Variants in AGPAT4 observed in about 807,000 individuals in gnomAD.
The protein encoded by AGPAT4 is 1-acylglycerol-3-phosphate O-acyltransferase 4, also known as 1-acyl-sn-glycerol-3-phosphate acyltransferase delta.
A neutral mutation model predicts 48.0 loss-of-function variants in AGPAT4; 15 were observed. That is an observed-to-expected ratio of 0.31 (90% CI 0.21 to 0.48). The LOEUF (loss-of-function observed/expected upper bound fraction) is 0.48, where lower values mean the gene tolerates loss of function less well. Among genes scored for constraint, AGPAT4 ranks in the 20% least tolerant of loss-of-function variants. AGPAT4 has a pLI of 0.99. For synonymous variants in AGPAT4, 178 were observed against 198.7 expected, an observed-to-expected ratio of 0.90 and a Z score of 0.88; for missense variants, 314 against 482.5, an observed-to-expected ratio of 0.65 and a Z score of 3.27.
chr6:161,251,145 TTCAC>T lies in AGPAT4; in HGVS notation c.-89-18847_-89-18844del, dbSNP rs1270231836. ...TTATCCTGCAGAAAACTGATAAATGTTCACTCATTTTATCTAGTTTTTCTATAGT... is the reference window on the plus strand; with the variant it reads ...TTATCCTGCAGAAAACTGATAAATGTTCATTTTATCTAGTTTTTCTATAGT... On this transcript the variant is annotated intron_variant, in intron 1 of 8. Coordinates refer to ENST00000320285, the MANE Select transcript of AGPAT4 (RefSeq NM_020133.3). The surrounding 1 kb of genome is among the most constrained non-coding windows in gnomAD (Gnocchi z 4.6). Among the ~76,000 whole-genome samples the T allele has an allele frequency of 6.6e-6, 1 of 152,224 alleles. No individual in the cohort carries two copies. The highest frequency in any genetic ancestry group is 1.5e-5 in the Non-Finnish European group (1 of 68,034).
rs2114971093 is a variant in AGPAT4 at position 161,158,540 on chromosome 6, T to C, written c.349-4230A>G. On this transcript the variant is annotated intron_variant, in intron 3 of 8. Coordinates refer to ENST00000320285, the MANE Select transcript of AGPAT4 (RefSeq NM_020133.3). The surrounding 1 kb of genome is among the most constrained non-coding windows in gnomAD (Gnocchi z 5.3). ...GGGCAGGTGCTTGGAGCTAATCTAGTTGAGCGACCCATCCTGAGGCTCCCC... is the reference window on the plus strand; with the variant it reads ...GGGCAGGTGCTTGGAGCTAATCTAGCTGAGCGACCCATCCTGAGGCTCCCC... 6.6e-6 allele frequency among the ~76,000 whole-genome samples: 1 copy of C among 152,248 alleles called. No homozygotes were observed. Among genetic ancestry groups the C allele is most frequent in the Admixed American group, 6.5e-5 (1 of 15,294 alleles).
At chr6:161,190,586 G>T (rs1469790668) in intron 2 of AGPAT4, among the ~76,000 whole-genome samples, 1 of 93,764 alleles carries the variant, frequency 1.1e-5, no homozygotes, top group African/African-American at 5.8e-5. Flanking sequence ...AGAAACCAAG[G>T]GAAAAAAAAA....
rs777415075 is a variant in AGPAT4, at chr6:161,231,244, C to A, written c.178+792G>T. On this transcript the variant is annotated intron_variant, in intron 2 of 8. Transcript: ENST00000320285. This position sits in a 1 kb window ranked among gnomAD's most constrained non-coding sequence, Gnocchi z 5.3. ...GAATAGGTATAGGCTTAAGGCTAAT[C>A]AATATCAATAGCAAAATGCATTTCT... 3.9e-5 allele frequency among the ~76,000 whole-genome samples: 6 copies of A among 152,178 alleles called. No homozygotes were observed. The highest frequency in any genetic ancestry group is 8.8e-5 in the Non-Finnish European group (6 of 68,036).
chr6:161,236,467 C>T lies in AGPAT4; in HGVS notation c.-89-4165G>A, dbSNP rs1032874979. 3.3e-5 allele frequency among the ~76,000 whole-genome samples: 5 copies of T among 152,130 alleles called. No individual in the cohort carries two copies. The highest frequency in any genetic ancestry group is 7.3e-5 in the Non-Finnish European group (5 of 68,040). On this transcript the variant is annotated intron_variant, in intron 1 of 8. Transcript: ENST00000320285. The surrounding 1 kb of genome is among the most constrained non-coding windows in gnomAD (Gnocchi z 5.0). ...TGAAATTCACCCCATGACCTTGAGA[C>T]ACCCTAGGGATGGGAGTGCAGGAGG...
Position 161,212,230 on chromosome 6 carries a change from TTG to T in AGPAT4, c.178+19804_178+19805del, listed in dbSNP as rs1781540162. On this transcript the variant is annotated intron_variant, in intron 2 of 8. Transcript: ENST00000320285. This position sits in a 1 kb window ranked among gnomAD's most constrained non-coding sequence, Gnocchi z 6.1. ...TTTTGAAAAACAAATTTAAATGACTTTGTGCTATTTTTATTAGGGCTTATTGT... is the reference window on the plus strand; with the variant it reads ...TTTTGAAAAACAAATTTAAATGACTTTGCTATTTTTATTAGGGCTTATTGT... 6.6e-6 allele frequency among the ~76,000 whole-genome samples: 1 copy of T among 152,180 alleles called. No individual in the cohort carries two copies. The highest frequency in any genetic ancestry group is 1.5e-5 in the Non-Finnish European group (1 of 68,026).
intron 2 of AGPAT4, among the ~76,000 whole-genome samples, chr6:161,213,337 G>A (rs1781566693): frequency 6.6e-6 from 1 of 152,138 alleles, no homozygotes; most frequent in Non-Finnish European, 1.5e-5. Flanking sequence ...ACCATGATTT[G>A]TCTTTAGTAA....
intron 1 of AGPAT4, among the ~76,000 whole-genome samples, chr6:161,271,364 T>TG (rs1783418572): frequency 6.6e-6 from 1 of 152,262 alleles, no homozygotes; most frequent in Non-Finnish European, 1.5e-5. Flanking sequence ...TCTCCTTGAC[T>TG]GGCTGTTGCC....
At chr6:161,151,229 T>C (rs757496922) in intron 5 of AGPAT4, among the ~76,000 whole-genome samples, 1 of 152,218 alleles carries the variant, frequency 6.6e-6, no homozygotes, top group Non-Finnish European at 1.5e-5. Flanking sequence ...TGAGCCCCAA[T>C]GTCCTTATCT....
In AGPAT4 at chr6:161,201,687, C is replaced by T. The variant is rs1364984812; in HGVS notation, c.178+30349G>A. On this transcript the variant is annotated intron_variant, in intron 2 of 8. Coordinates refer to ENST00000320285, the MANE Select transcript of AGPAT4 (RefSeq NM_020133.3). This position sits in a 1 kb window ranked among gnomAD's most constrained non-coding sequence, Gnocchi z 6.0. ...TGAGATTCCCCACTTGTAGCAATTC[C>T]AGGGTGATGCTGAGGCTGACTTCAA... Among the ~76,000 whole-genome samples, 1 of 152,176 alleles carries T rather than the reference C, an allele frequency of 6.6e-6. No individual in the cohort carries two copies. Among genetic ancestry groups the T allele is most frequent in the Non-Finnish European group, 1.5e-5 (1 of 68,042 alleles).
In AGPAT4 at chr6:161,131,628, T is replaced by C. The variant is rs1228079551; in HGVS notation, c.*4912A>G. 6.6e-6 allele frequency: 1 copy of C among 152,202 alleles called. No homozygotes were observed. The highest frequency in any genetic ancestry group is 2.4e-5 in the African/African-American group (1 of 41,456). The allele number at this position is 152,202 out of a possible 1,614,324, so 9.4% of individuals were successfully genotyped here. ...CTGTGAGCTCAGGAGCCCATCCCTG[T>C]GCTCAGAGAGATGGGACTCCAATGA... On this transcript the variant is annotated 3_prime_UTR_variant, in exon 9 of 9. Transcript: ENST00000320285.
chr6:161,151,174 G>A (rs1044357273), intron 5 of AGPAT4, among the ~76,000 whole-genome samples: 3 of 152,234 alleles, frequency 2.0e-5, no homozygotes, highest in Non-Finnish European at 1.5e-5. Context: ...ATCCCAGCTC[G>A]CCATGTACTG....
Position 161,255,159 on chromosome 6 carries a change from C to T in AGPAT4, c.-90+18779G>A, listed in dbSNP as rs1220425049. Among the ~76,000 whole-genome samples, 1 of 152,214 alleles carries T rather than the reference C, an allele frequency of 6.6e-6. No homozygotes were observed. Among genetic ancestry groups the T allele is most frequent in the Non-Finnish European group, 1.5e-5 (1 of 68,036 alleles). On this transcript the variant is annotated intron_variant, in intron 1 of 8. Transcript: ENST00000320285. This position sits in a 1 kb window ranked among gnomAD's most constrained non-coding sequence, Gnocchi z 4.7. Reference sequence around the variant, plus strand: ...CTTCATCTTTCCCTGTAATACCTCACACATCCAGTTCTCCTTCATTAGCTC... The same window carrying T: ...CTTCATCTTTCCCTGTAATACCTCATACATCCAGTTCTCCTTCATTAGCTC...
In AGPAT4 at chr6:161,177,639, T is replaced by A. The variant is rs1477198107; in HGVS notation, c.179-11222A>T. ...TTGTTATTACTGATCGTCTGAAGCCTTCTTTTCTCAACATGTCAAAGTCAT... is the reference window on the plus strand; with the variant it reads ...TTGTTATTACTGATCGTCTGAAGCCATCTTTTCTCAACATGTCAAAGTCAT... On this transcript the variant is annotated intron_variant, in intron 2 of 8. Transcript: ENST00000320285. This position sits in a 1 kb window ranked among gnomAD's most constrained non-coding sequence, Gnocchi z 5.0. Among the ~76,000 whole-genome samples the A allele has an allele frequency of 3.3e-5, 5 of 152,246 alleles. No homozygotes were observed. Among genetic ancestry groups the A allele is most frequent in the Admixed American group, 2.0e-4 (3 of 15,290 alleles).
chr6:161,203,793 T>G (rs552765450), intron 2 of AGPAT4, among the ~76,000 whole-genome samples: 1 of 152,328 alleles, frequency 6.6e-6, no homozygotes, highest in East Asian at 1.9e-4. Context: ...GTCCTCTTGT[T>G]GAGCTATCAC....
intron 1 of AGPAT4, among the ~76,000 whole-genome samples, chr6:161,271,882 C>A (rs1043284170): frequency 9.8e-5 from 15 of 152,286 alleles, no homozygotes; most frequent in African/African-American, 3.6e-4. Context: ...CCTTGAGGAC[C>A]ATTTTCAGAC....
At chr6:161,174,637 T>C (rs1295265638) in intron 2 of AGPAT4, among the ~76,000 whole-genome samples, 1 of 152,210 alleles carries the variant, frequency 6.6e-6, no homozygotes, top group African/African-American at 2.4e-5. Context: ...ATACCCTTTA[T>C]TTCTTTCTCC....
chr6:161,268,526 G>C (rs1455215995), intron 1 of AGPAT4, among the ~76,000 whole-genome samples: 1 of 152,036 alleles, frequency 6.6e-6, no homozygotes, highest in African/African-American at 2.4e-5. Context: ...TTAGTGTCTG[G>C]CTTCAAACTA....
chr6:161,268,173 A>C (rs75993178), intron 1 of AGPAT4, among the ~76,000 whole-genome samples: 1,534 of 152,224 alleles, frequency 0.01, 18 homozygotes, highest in Middle Eastern at 0.037. Flanking sequence ...TGAGTTAATA[A>C]ATGTGAAGTC....
intron 3 of AGPAT4, chr6:161,160,952 T>C (rs1779911557): frequency 2.2e-6 from 1 of 455,872 alleles, no homozygotes; most frequent in Non-Finnish European, 4.4e-6. Flanking sequence ...CTATAGATAA[T>C]AGGTGCTTGC....
Sources: gnomAD v4.1 joint callset for allele counts (sites outside exome capture counted in the v4.1 genomes callset) on GRCh38, gnomAD v4.1.1 for gene constraint, Gnocchi (gnomAD v3.1) non-coding constraint, MANE v1.5 for transcripts, NCBI Gene and HGNC (gene_info 2026-07-23, HGNC 2026-07-21) for gene names.